The following PPP1R37 variants were observed in gnomAD, a reference collection of about 807,000 sequenced individuals.
PPP1R37 encodes the protein protein phosphatase 1 regulatory subunit 37.
A neutral mutation model predicts 61.0 loss-of-function variants in PPP1R37; 21 were observed. The ratio of observed to expected loss-of-function variants is 0.34; its 90% CI spans 0.24 to 0.50. The LOEUF (loss-of-function observed/expected upper bound fraction) is 0.50, where lower values mean the gene tolerates loss of function less well. Ranked by LOEUF, PPP1R37 falls within the 20% of genes least tolerant of loss-of-function variation. The pLI, the probability that PPP1R37 is intolerant of heterozygous loss-of-function variation, is 0.98. For synonymous variants in PPP1R37, 443 were observed against 433.5 expected (o/e 1.02, Z -0.27); for missense variants, 910 against 952.7 (o/e 0.96, Z 0.59).
chr19:45,098,756 C>T lies in PPP1R37; in HGVS notation c.202+5229C>T, dbSNP rs555248508. On this transcript the variant is annotated intron_variant, in intron 1 of 12. Coordinates refer to ENST00000221462, the MANE Select transcript of PPP1R37 (RefSeq NM_019121.2). ...AAAGCAGGCTGGACAGGTAGACATG[C>T]ATCTGTCAGTGGTGGAAAGAGGCCC... 2.6e-5 allele frequency among the ~76,000 whole-genome samples: 4 copies of T among 152,296 alleles called. No homozygotes were observed. In the East Asian group the frequency reaches 7.7e-4, roughly 29 times the overall value.
At chr19:45,136,584 G>C (rs1968541661) in intron 1 of PPP1R37, among the ~76,000 whole-genome samples, 1 of 152,132 alleles carries the variant, frequency 6.6e-6, no homozygotes, top group African/African-American at 2.4e-5. Context: ...GCCTTTGTCA[G>C]ACAGCTCCCT....
intron 1 of PPP1R37, among the ~76,000 whole-genome samples, chr19:45,116,740 G>A (rs1383560551): frequency 2.0e-5 from 3 of 152,236 alleles, no homozygotes; most frequent in African/African-American, 4.8e-5. Flanking sequence ...CCACAGTGAC[G>A]TCCCTAGACT....
chr19:45,134,218 G>T (rs546640326), intron 1 of PPP1R37, among the ~76,000 whole-genome samples: 13 of 151,940 alleles, frequency 8.6e-5, no homozygotes, highest in African/African-American at 3.1e-4. Flanking sequence ...TGGCAAGGCT[G>T]GTCTCAAACT....
chr19:45,129,996 G>A (rs1968456141), intron 1 of PPP1R37, among the ~76,000 whole-genome samples: 1 of 152,228 alleles, frequency 6.6e-6, no homozygotes, highest in Non-Finnish European at 1.5e-5. Context: ...GATAGTAAAA[G>A]GATGTCTCTT....
chr19:45,146,494 C>G lies in PPP1R37; in HGVS notation c.*8+14C>G. 6.6e-7 allele frequency: 1 copy of G among 1,519,496 alleles called. No homozygotes were observed. Among genetic ancestry groups the G allele is most frequent in the Non-Finnish European group, 8.8e-7 (1 of 1,132,130 alleles). The allele number at this position is 1,519,496 out of a possible 1,614,324, so 94.1% of individuals were successfully genotyped here. A position where few individuals can be genotyped will look rare whatever the true frequency, so the allele number is the denominator to read the frequency against. ...GTGACACTTTAGGTGAGGCCAGGCC[C>G]GGGGCCCACAGCACTCGGGAGGAGC... On this transcript the variant is annotated intron_variant, in intron 12 of 12. Transcript: ENST00000221462.
chr19:45,142,564 A>C, intron 7 of PPP1R37, 106 bp downstream of exon 7: 24 of 1,139,550 alleles, frequency 2.1e-5, no homozygotes, highest in Non-Finnish European at 2.7e-5. Context: ...GACCACCCCA[A>C]CGCTGTCCTG....
rs769944179 is a variant in PPP1R37, at chr19:45,145,091, C to A, written c.1130-3C>A. 6.5e-7 allele frequency: 1 copy of A among 1,532,456 alleles called. No homozygotes were observed. The highest frequency in any genetic ancestry group is 1.2e-5 in the South Asian group (1 of 83,830). The allele number at this position is 1,532,456 out of a possible 1,614,324, so 94.9% of individuals were successfully genotyped here. ...GTGGCCAGCCCCTGCGGTGCCCCCCCAGGCGCGGTGGCGGTGGCGGAGTTC... is the reference window on the plus strand; with the variant it reads ...GTGGCCAGCCCCTGCGGTGCCCCCCAAGGCGCGGTGGCGGTGGCGGAGTTC... On this transcript the variant is annotated splice_polypyrimidine_tract_variant and splice_region_variant and intron_variant, in intron 9 of 12. Transcript: ENST00000221462.
intron 1 of PPP1R37, among the ~76,000 whole-genome samples, chr19:45,125,311 A>C (rs35620552): frequency 0.25 from 37,895 of 151,894 alleles, 5,463 homozygotes; most frequent in Non-Finnish European, 0.33. Flanking sequence ...AAAAATACAA[A>C]AATTAGCCGG....
At chr19:45,119,139 C>T (rs1298417453) in intron 1 of PPP1R37, among the ~76,000 whole-genome samples, 17 of 150,604 alleles carry the variant, frequency 1.1e-4, no homozygotes, top group African/African-American at 3.9e-4. Context: ...CAGGCACGTG[C>T]CACAACACCC....
At chr19:45,127,376 A>T (rs1412304285) in intron 1 of PPP1R37, among the ~76,000 whole-genome samples, 3 of 137,918 alleles carry the variant, frequency 2.2e-5, no homozygotes, top group African/African-American at 5.3e-5. Flanking sequence ...AAAAAAAAAA[A>T]CCCTAGGTGG....
chr19:45,128,690 T>G, intron 1 of PPP1R37: 1 of 1,115,082 alleles, frequency 9.0e-7, no homozygotes, highest in Non-Finnish European at 1.3e-6. Flanking sequence ...GTAAGGTCTT[T>G]GAGATGTCTG....
chr19:45,122,903 C>T (rs1403972486), intron 1 of PPP1R37, among the ~76,000 whole-genome samples: 1 of 152,204 alleles, frequency 6.6e-6, no homozygotes, highest in African/African-American at 2.4e-5. Flanking sequence ...TTGCTGACCC[C>T]TCTCGTCTCA....
intron 1 of PPP1R37, chr19:45,100,212 C>G (rs1034844154): frequency 4.6e-5 from 7 of 152,228 alleles, no homozygotes; most frequent in Non-Finnish European, 1.0e-4. Context: ...AGTCCCAAGC[C>G]TGCCTTCAGA....
chr19:45,096,640 C>A (rs1318138369), intron 1 of PPP1R37, among the ~76,000 whole-genome samples: 1 of 152,026 alleles, frequency 6.6e-6, no homozygotes, highest in Admixed American at 6.6e-5. Flanking sequence ...GCAGTTGGAG[C>A]CTGGCTGGGA....
At position 45,135,747 on chromosome 19, in the gene PPP1R37, T is replaced by C. The variant is rs114753112; in HGVS notation, c.203-2767T>C. ...CTGTGTGTCTTGTGAATTCTTCTTA[T>C]GCTTCTGATAGTTCCTCCAATTTTG... is the stretch of plus-strand genomic sequence containing the variant. On this transcript the variant is annotated intron_variant, in intron 1 of 12. Transcript: ENST00000221462. Among the ~76,000 whole-genome samples, 472 of 151,886 alleles carry C rather than the reference T, an allele frequency of 3.1e-3. 1 individual carries two copies. Among genetic ancestry groups the C allele is most frequent in the African/African-American group, 0.011 (442 of 41,402 alleles).
In PPP1R37 at chr19:45,145,942, C is replaced by T; in HGVS notation, c.1886C>T (p.Ser629Leu). 1 of 1,534,798 alleles carries T rather than the reference C, an allele frequency of 6.5e-7. No individual in the cohort carries two copies. Among genetic ancestry groups the T allele is most frequent in the South Asian group, 1.2e-5 (1 of 83,992 alleles). The change falls in exon 11 of 13, where the codon TCA (serine) becomes TTA (leucine). Residue 629 changes from serine to leucine, a missense_variant. Ser to Leu is a moderately radical substitution (Grantham distance 145). Coordinates refer to ENST00000221462, the MANE Select transcript of PPP1R37 (RefSeq NM_019121.2). The stretch of plus-strand genomic sequence containing the variant: ...CAGCCACCACCGGAGCCGCCTCGGT[C>T]AGGGCCACCACTGCCCAACGGCCTG... ...EPQPPPEPPR[S>L]GPPLPNGLKP...
At chr19:45,128,926 G>T (rs924647919) in intron 1 of PPP1R37, 6 of 733,012 alleles carry the variant, frequency 8.2e-6, no homozygotes, top group Middle Eastern at 2.9e-4. Flanking sequence ...AGGAGACCTT[G>T]GCAAGGAGAT....
At position 45,128,469 on chromosome 19, in the gene PPP1R37, C is replaced by T. The variant is rs1968435938; in HGVS notation, c.203-10045C>T. ...TAAAGTCAAGGCAGGGTGGTAGAGG[C>T]AGCGGCAGCAGCAGGCCCAGAGGCA... On this transcript the variant is annotated intron_variant, in intron 1 of 12. Coordinates refer to ENST00000221462, the MANE Select transcript of PPP1R37 (RefSeq NM_019121.2). 3.9e-5 allele frequency: 25 copies of T among 645,784 alleles called. 1 individual carries two copies. In the South Asian group the frequency reaches 4.3e-4, roughly 11 times the overall value. 40.0% of individuals were successfully genotyped at this position (645,784 alleles called of 1,614,324 possible). A position where few individuals can be genotyped will look rare whatever the true frequency, so the allele number is the denominator to read the frequency against.
chr19:45,144,494 C>T (rs922380703), intron 8 of PPP1R37: 1 of 264,710 alleles, frequency 3.8e-6, no homozygotes, highest in Admixed American at 5.5e-5. Context: ...GGTACAGAGA[C>T]TCTCAGGGCG....
Sources: allele counts gnomAD v4.1 joint callset (sites outside exome capture counted in the v4.1 genomes callset), GRCh38; gene constraint gnomAD v4.1.1; transcripts MANE v1.5; gene names NCBI Gene and HGNC (gene_info 2026-07-23, HGNC 2026-07-21).